The following DPYD variants were observed in gnomAD, a reference collection of about 807,000 sequenced individuals.
DPYD encodes dihydropyrimidine dehydrogenase.
Under a neutral mutation model 116.2 loss-of-function variants are expected in DPYD, and 109 were observed. The observed-to-expected ratio is 0.94, with a 90% CI of 0.80 to 1.10. The LOEUF is 1.10. DPYD is among the 50% of genes least tolerant of loss of function. DPYD has a pLI of 0.00. For missense variants in DPYD, 1,302 were observed against 1,254.5 expected, an observed-to-expected ratio of 1.04 and a Z score of -0.57; for synonymous variants, 440 against 432.0, an observed-to-expected ratio of 1.02 and a Z score of -0.23.
At chr1:97,336,398 T>C (rs1669284754) in intron 16 of DPYD, among the ~76,000 whole-genome samples, 1 of 152,210 alleles carries the variant, frequency 6.6e-6, no homozygotes, top group South Asian at 2.1e-4. Context: ...CGATACCTAC[T>C]AGGTTCTCAA....
chr1:97,465,972 A>T (rs892065995), intron 13 of DPYD, among the ~76,000 whole-genome samples: 1 of 152,162 alleles, frequency 6.6e-6, no homozygotes, highest in African/African-American at 2.4e-5. Flanking sequence ...ATGGTGATAC[A>T]TGCCTGCAGT....
At chr1:97,174,405 C>T (rs1258960217) in intron 20 of DPYD, among the ~76,000 whole-genome samples, 3 of 152,160 alleles carry the variant, frequency 2.0e-5, no homozygotes, top group South Asian at 2.1e-4. Flanking sequence ...AGCAGATGTG[C>T]CCCTTCTCTG....
chr1:97,557,721 A>G (rs1288566016), intron 11 of DPYD, among the ~76,000 whole-genome samples: 3 of 152,154 alleles, frequency 2.0e-5, no homozygotes, highest in Non-Finnish European at 4.4e-5. Context: ...TGTTGTGCCA[A>G]TCCATCCAAT....
chr1:97,210,189 A>G (rs777849623), intron 19 of DPYD, among the ~76,000 whole-genome samples: 1 of 152,198 alleles, frequency 6.6e-6, no homozygotes, highest in Non-Finnish European at 1.5e-5. Context: ...TATTCAAAGA[A>G]GGCAAGTTAT....
chr1:97,480,085 A>G (rs1345256797), intron 13 of DPYD, among the ~76,000 whole-genome samples: 2 of 152,216 alleles, frequency 1.3e-5, no homozygotes, highest in Admixed American at 1.3e-4. Context: ...ATTAAATGCT[A>G]GAAAGCAAGG....
intron 3 of DPYD, among the ~76,000 whole-genome samples, chr1:97,793,439 A>G (rs1271368072): frequency 6.6e-6 from 1 of 152,182 alleles, no homozygotes; most frequent in Non-Finnish European, 1.5e-5. Context: ...AACTTTGAGA[A>G]CTATAACTAA....
intron 18 of DPYD, chr1:97,280,293 T>C (rs1299841699): frequency 6.6e-6 from 1 of 152,132 alleles, no homozygotes; most frequent in Non-Finnish European, 1.5e-5. Flanking sequence ...TAGAGATTTA[T>C]ATACGCATTG....
At chr1:97,905,300 C>A (rs1267493107) in intron 1 of DPYD, among the ~76,000 whole-genome samples, 1 of 151,930 alleles carries the variant, frequency 6.6e-6, no homozygotes, top group Non-Finnish European at 1.5e-5. Flanking sequence ...TAGATCATAT[C>A]CTTGTCATTA....
At chr1:97,729,942 T>C (rs759373523) in intron 4 of DPYD, among the ~76,000 whole-genome samples, 1 of 152,186 alleles carries the variant, frequency 6.6e-6, no homozygotes, top group Non-Finnish European at 1.5e-5. Flanking sequence ...AAAACTTTCA[T>C]CTGTATCAAA....
intron 20 of DPYD, among the ~76,000 whole-genome samples, chr1:97,154,874 C>T (rs959018247): frequency 2.6e-5 from 4 of 152,010 alleles, no homozygotes; most frequent in Non-Finnish European, 4.4e-5. Flanking sequence ...TTCTTGTAAC[C>T]AAACACCACC....
intron 14 of DPYD, among the ~76,000 whole-genome samples, chr1:97,422,573 G>T (rs1674647926): frequency 6.6e-6 from 1 of 151,950 alleles, no homozygotes; most frequent in African/African-American, 2.4e-5. Flanking sequence ...TACCTCCACG[G>T]GCTACTGGGT....
At chr1:97,751,254 C>T (rs1010655645) in intron 3 of DPYD, among the ~76,000 whole-genome samples, 4 of 150,444 alleles carry the variant, frequency 2.7e-5, no homozygotes, top group Non-Finnish European at 5.9e-5. Context: ...ATACTGGACA[C>T]ATACTTCATG....
At chr1:97,182,961 T>C (rs1391622742) in intron 20 of DPYD, among the ~76,000 whole-genome samples, 2 of 152,174 alleles carry the variant, frequency 1.3e-5, no homozygotes, top group African/African-American at 2.4e-5. Flanking sequence ...AGTATAGGAA[T>C]ATTTTCTCCC....
chr1:97,096,881 T>G (rs1650291009), intron 21 of DPYD, among the ~76,000 whole-genome samples: 2 of 152,154 alleles, frequency 1.3e-5, no homozygotes, highest in African/African-American at 4.8e-5. Context: ...GCTCACTCTT[T>G]GGGTCCTTGC....
At chr1:97,177,703 C>T (rs940707129) in intron 20 of DPYD, among the ~76,000 whole-genome samples, 4 of 151,992 alleles carry the variant, frequency 2.6e-5, no homozygotes, top group Non-Finnish European at 5.9e-5. Flanking sequence ...AAGGTGCACA[C>T]TCTTCTTGGT....
chr1:97,381,597 A>G (rs1388632380), intron 15 of DPYD, among the ~76,000 whole-genome samples: 5 of 152,204 alleles, frequency 3.3e-5, no homozygotes, highest in Non-Finnish European at 5.9e-5. Flanking sequence ...AAATATCCAA[A>G]TAAAATGTAT....
chr1:97,688,743 G>A (rs771597018), intron 7 of DPYD, among the ~76,000 whole-genome samples: 19 of 151,822 alleles, frequency 1.3e-4, no homozygotes, highest in South Asian at 2.1e-4. Context: ...TGTTCCCTGC[G>A]ATATTTCTGG....
intron 16 of DPYD, among the ~76,000 whole-genome samples, chr1:97,329,746 C>T (rs566365994): frequency 6.2e-5 from 8 of 128,190 alleles, no homozygotes; most frequent in Non-Finnish European, 1.0e-4. Context: ...GAGTGAAACT[C>T]CATCTTAAAA....
At chr1:97,201,450 A>T (rs1490620620) in intron 19 of DPYD, among the ~76,000 whole-genome samples, 3 of 152,202 alleles carry the variant, frequency 2.0e-5, no homozygotes, top group Admixed American at 1.3e-4. Flanking sequence ...TGTACAATAC[A>T]TATAGATAAG....
Sources: gnomAD v4.1 joint callset for allele counts (sites outside exome capture counted in the v4.1 genomes callset) on GRCh38, gnomAD v4.1.1 for gene constraint, MANE v1.5 for transcripts, NCBI Gene and HGNC (gene_info 2026-07-23, HGNC 2026-07-21) for gene names.